ADCY9: variants seen among roughly 807,000 people sequenced by gnomAD.
ADCY9 encodes the protein adenylate cyclase 9, also known as adenylate cyclase type 9.
A neutral mutation model predicts 101.5 loss-of-function variants in ADCY9; 50 were observed. The ratio of observed to expected loss-of-function variants is 0.49; its 90% CI spans 0.39 to 0.62. The LOEUF (loss-of-function observed/expected upper bound fraction) is 0.62. ADCY9 is among the 20% of genes least tolerant of loss of function. The pLI is 0.00. For synonymous variants in ADCY9, 905 were observed against 769.3 expected (o/e 1.18, Z -2.92); for missense variants, 1,662 against 1,800.4 (o/e 0.92, Z 1.39).
intron 2 of ADCY9, among the ~76,000 whole-genome samples, chr16:4,049,960 G>A (rs1597191972): frequency 1.3e-5 from 2 of 148,466 alleles, no homozygotes; most frequent in African/African-American, 5.0e-5. Flanking sequence ...GAACCCAGGA[G>A]TTAGTGGCTG....
intron 2 of ADCY9, among the ~76,000 whole-genome samples, chr16:4,108,902 C>T (rs550571766): frequency 8.0e-4 from 121 of 151,948 alleles, no homozygotes; most frequent in African/African-American, 2.7e-3. Context: ...TATGGGGTTT[C>T]ACCACGTTGG....
At chr16:3,960,729 CTTCAGACT>C (rs760299425), downstream of ADCY9, among the ~76,000 whole-genome samples, 3 of 152,132 alleles carry the variant, frequency 2.0e-5, no homozygotes, top group Non-Finnish European at 4.4e-5. Flanking sequence ...CTCACATCTC[CTTCAGACT>C]TTCAGGGCCA....
chr16:4,023,818 G>A (rs1188325427), intron 2 of ADCY9, among the ~76,000 whole-genome samples: 3 of 151,918 alleles, frequency 2.0e-5, no homozygotes, highest in Non-Finnish European at 2.9e-5. Flanking sequence ...GCTGAGGCAC[G>A]AGCATCGCTT....
intron 2 of ADCY9, among the ~76,000 whole-genome samples, chr16:4,013,385 C>A (rs903573286): frequency 6.6e-6 from 1 of 151,808 alleles, no homozygotes; most frequent in Non-Finnish European, 1.5e-5. Context: ...CGTGCCATTG[C>A]ACTTCAGCCT....
At chr16:4,104,392 A>C (rs952522117) in intron 2 of ADCY9, among the ~76,000 whole-genome samples, 5 of 152,236 alleles carry the variant, frequency 3.3e-5, no homozygotes, top group Non-Finnish European at 5.9e-5. Context: ...ATAGTGTACA[A>C]AAAAAGATAA....
intron 2 of ADCY9, among the ~76,000 whole-genome samples, chr16:4,010,356 C>A (rs911004461): frequency 6.6e-6 from 1 of 152,208 alleles, no homozygotes; most frequent in Non-Finnish European, 1.5e-5. Flanking sequence ...TGGAGCACGA[C>A]GGGACAGCCA....
intron 2 of ADCY9, among the ~76,000 whole-genome samples, chr16:4,012,852 G>A (rs149003607): frequency 6.6e-6 from 1 of 152,274 alleles, no homozygotes; most frequent in Non-Finnish European, 1.5e-5. Context: ...GATGGGCGAG[G>A]CCCATTTCTG....
At chr16:4,065,590 G>T (rs530118960) in intron 2 of ADCY9, among the ~76,000 whole-genome samples, 10 of 152,186 alleles carry the variant, frequency 6.6e-5, no homozygotes, top group Non-Finnish European at 1.3e-4. Context: ...TTTATTTATT[G>T]AGACGGAGTC....
At chr16:4,093,325 C>T (rs2056984523) in intron 2 of ADCY9, among the ~76,000 whole-genome samples, 1 of 152,184 alleles carries the variant, frequency 6.6e-6, no homozygotes, top group Non-Finnish European at 1.5e-5. Context: ...AAGGATCTGG[C>T]TGATCAGAAA....
At position 4,078,638 on chromosome 16, in the gene ADCY9, G is replaced by A. The variant is rs577472776; in HGVS notation, c.1693+35112C>T. Among the ~76,000 whole-genome samples the A allele has an allele frequency of 1.7e-3, 257 of 151,888 alleles. 1 individual carries two copies. The highest frequency in any genetic ancestry group is 5.8e-3 in the African/African-American group (241 of 41,498). The stretch of plus-strand genomic sequence containing the variant: ...TTAATATTTTACATAGTCCTCAGGT[G>A]GGGAAGGCTTTTCTAACCATGATAC... On this transcript the variant is annotated intron_variant, in intron 2 of 10. Coordinates refer to ENST00000294016, the MANE Select transcript of ADCY9 (RefSeq NM_001116.4).
At chr16:4,027,213 C>T (rs111954684) in intron 2 of ADCY9, among the ~76,000 whole-genome samples, 3,040 of 152,340 alleles carry the variant, frequency 0.02, 34 homozygotes, top group Non-Finnish European at 0.027. Flanking sequence ...TGCTCCCACT[C>T]CGTGGAGTGT....
At chr16:3,977,362 AT>A (rs2056100566) in intron 9 of ADCY9, 119 bp downstream of exon 9, 2 of 1,330,092 alleles carry the variant, frequency 1.5e-6, no homozygotes, top group African/African-American at 2.9e-5. Context: ...ATTTTGGGTC[AT>A]GATGGGAAAT....
At chr16:3,982,392 G>C (rs1288763500) in intron 7 of ADCY9, 1 of 152,386 alleles carries the variant, frequency 6.6e-6, no homozygotes, top group African/African-American at 2.4e-5. Context: ...ACCGTTGCTA[G>C]TGGGACTCTG....
At chr16:4,105,765 T>C (rs905078081) in intron 2 of ADCY9, among the ~76,000 whole-genome samples, 2 of 151,832 alleles carry the variant, frequency 1.3e-5, no homozygotes, top group Non-Finnish European at 2.9e-5. Flanking sequence ...AAGGATCATC[T>C]GAGTGCAGGA....
At chr16:4,043,027 C>A (rs960681261) in intron 2 of ADCY9, among the ~76,000 whole-genome samples, 2 of 151,734 alleles carry the variant, frequency 1.3e-5, no homozygotes, top group Non-Finnish European at 2.9e-5. Context: ...GTCAGGAGAT[C>A]GAGACCATCC....
At chr16:4,005,734 G>C (rs775683368) in intron 3 of ADCY9, among the ~76,000 whole-genome samples, 1 of 152,160 alleles carries the variant, frequency 6.6e-6, no homozygotes, top group African/African-American at 2.4e-5. Flanking sequence ...TGAACTCTGC[G>C]ACCGCATCCC....
Position 3,992,514 on chromosome 16 carries a change from G to A in ADCY9, c.1990-151C>T, listed in dbSNP as rs771487651. On this transcript the variant is annotated intron_variant, in intron 4 of 10. Transcript: ENST00000294016. This position sits in a 1 kb window ranked among gnomAD's most constrained non-coding sequence, Gnocchi z 4.2. ...CTGCGAGGAACCCCCACCCCCCTGC[G>A]CCTACAGACCTGCTCCAATCCCAGC... The A allele has an allele frequency of 4.3e-5, 30 of 695,832 alleles. No individual in the cohort carries two copies. Among genetic ancestry groups the A allele is most frequent in the South Asian group, 2.2e-4 (12 of 53,488 alleles). 43.1% of individuals were successfully genotyped at this position (695,832 alleles called of 1,614,324 possible).
At chr16:4,006,267 A>G (rs960474296) in intron 3 of ADCY9, among the ~76,000 whole-genome samples, 2 of 151,238 alleles carry the variant, frequency 1.3e-5, no homozygotes, top group African/African-American at 4.9e-5. Flanking sequence ...CAGCCCCACA[A>G]CACATGACTA....
Position 4,091,820 on chromosome 16 carries a change from G to C in ADCY9, c.1693+21930C>G, listed in dbSNP as rs142503869. Among the ~76,000 whole-genome samples, 768 of 152,344 alleles carry C rather than the reference G, an allele frequency of 5.0e-3. 21 individuals are homozygous for C. The highest frequency in any genetic ancestry group is 2.1e-3 in the Non-Finnish European group (143 of 68,034). On this transcript the variant is annotated intron_variant, in intron 2 of 10. Transcript: ENST00000294016. ...GGTGCTAGGGCTTGGGAGCTGGGAA[G>C]TGGCTGCTTAGTGGGTGTAGGGTTT...
Sources: allele counts gnomAD v4.1 joint callset (sites outside exome capture counted in the v4.1 genomes callset), GRCh38; gene constraint gnomAD v4.1.1; non-coding constraint Gnocchi (gnomAD v3.1); transcripts MANE v1.5; gene names NCBI Gene and HGNC (gene_info 2026-07-23, HGNC 2026-07-21).